The following FMN1 variants were observed in gnomAD, a reference collection of about 807,000 sequenced individuals.
The protein encoded by FMN1 is formin 1, also known as formin-1.
In FMN1, 110 loss-of-function variants were observed where a neutral mutation model predicts 132.4. The observed-to-expected ratio is 0.83, with a 90% confidence interval of 0.71 to 0.97. FMN1 has a LOEUF of 0.97. Among genes scored for constraint, FMN1 ranks in the 50% least tolerant of loss-of-function variants. The pLI is 0.00. For synonymous variants in FMN1, 722 were observed against 651.7 expected (o/e 1.11, Z -1.64); for missense variants, 1,792 against 1,705.3 (o/e 1.05, Z -0.90).
chr15:33,001,566 T>TTCC (rs1566811180), intron 7 of FMN1, among the ~76,000 whole-genome samples: 7 of 96,676 alleles, frequency 7.2e-5, no homozygotes, highest in African/African-American at 1.2e-4. Flanking sequence ...TCCTCCCACT[T>TTCC]CCCCCCCCAC....
chr15:33,037,992 G>T (rs1203361336), intron 6 of FMN1, among the ~76,000 whole-genome samples: 1 of 152,192 alleles, frequency 6.6e-6, no homozygotes, highest in Admixed American at 6.5e-5. Context: ...GGAGGCCAAG[G>T]CAGGCAGATC....
chr15:32,881,278 T>TA (rs1596164490), intron 16 of FMN1, among the ~76,000 whole-genome samples: 4 of 152,338 alleles, frequency 2.6e-5, no homozygotes, highest in Admixed American at 2.0e-4. Context: ...AAACTTGTGG[T>TA]ACATGTAAGT....
chr15:33,076,506 C>A (rs895105231), intron 5 of FMN1, among the ~76,000 whole-genome samples: 2 of 152,004 alleles, frequency 1.3e-5, no homozygotes, highest in Admixed American at 1.3e-4. Context: ...AAAAGAAAAT[C>A]TAGGGAAGGT....
chr15:33,102,323 G>A (rs1037414452), intron 4 of FMN1, among the ~76,000 whole-genome samples: 6 of 152,244 alleles, frequency 3.9e-5, no homozygotes, highest in African/African-American at 1.4e-4. Flanking sequence ...ATGAGAAGAT[G>A]TGCTAGGGAG....
chr15:32,996,723 C>T (rs1871362), intron 7 of FMN1, among the ~76,000 whole-genome samples: 82,150 of 152,024 alleles, frequency 0.54, 23,238 homozygotes, highest in African/African-American at 0.71. Flanking sequence ...CATAATGTTA[C>T]GCGCGTATAC....
chr15:33,130,646 A>T (rs1963502847), intron 4 of FMN1, among the ~76,000 whole-genome samples: 1 of 152,234 alleles, frequency 6.6e-6, no homozygotes, highest in African/African-American at 2.4e-5. Context: ...TGATAATTTC[A>T]GAGTTTTAGG....
At chr15:33,081,318 T>C (rs1262788648) in intron 5 of FMN1, among the ~76,000 whole-genome samples, 1 of 152,212 alleles carries the variant, frequency 6.6e-6, no homozygotes, top group Non-Finnish European at 1.5e-5. Context: ...ATTTTTTAAA[T>C]GTTAAAAAAT....
intron 17 of FMN1, among the ~76,000 whole-genome samples, chr15:32,816,046 A>G (rs1490618322): frequency 6.6e-6 from 1 of 152,224 alleles, no homozygotes; most frequent in Non-Finnish European, 1.5e-5. Context: ...CACCTGGCAC[A>G]TTAGTTAAGT....
intron 4 of FMN1, among the ~76,000 whole-genome samples, chr15:33,127,597 T>C (rs1004695333): frequency 1.2e-4 from 19 of 152,078 alleles, no homozygotes; most frequent in African/African-American, 4.6e-4. Context: ...CTAAAGCTAG[T>C]CAACCAAGAC....
intron 3 of FMN1, among the ~76,000 whole-genome samples, chr15:33,177,536 G>A (rs1304973757): frequency 1.3e-5 from 2 of 152,098 alleles, no homozygotes; most frequent in African/African-American, 2.4e-5. Flanking sequence ...CCTACTTACA[G>A]TGCAATTCCA....
chr15:32,888,222 T>C lies in FMN1; in HGVS notation c.3785A>G (p.Lys1262Arg). Reference sequence around the variant, plus strand: ...CAAATCTTTTATGAGGTCTTCAAACTTGACTTGGGAGGCCAGAAAGAAATC... The same window carrying C: ...CAAATCTTTTATGAGGTCTTCAAACCTGACTTGGGAGGCCAGAAAGAAATC... ...PQDFFLASQV[K>R]FEDLIKDLRK... is the part of the protein sequence containing the mutation. Residue 1262 changes from lysine (K) to arginine (R), a missense_variant, in exon 16 of 21, where the codon AAG becomes AGG. By Grantham distance (26) the Lys-to-Arg change is conservative. This residue lies in a region of FMN1 where 1,150 missense variants were observed against 1,043.1 expected (regional missense o/e 1.10). Transcript: ENST00000616417. 6.2e-7 allele frequency: 1 copy of C among 1,613,280 alleles called. No homozygotes were observed. Among genetic ancestry groups the C allele is most frequent in the Non-Finnish European group, 8.5e-7 (1 of 1,179,542 alleles).
intron 9 of FMN1, among the ~76,000 whole-genome samples, chr15:32,958,627 C>T (rs1373995519): frequency 1.3e-5 from 2 of 152,150 alleles, no homozygotes; most frequent in African/African-American, 4.8e-5. Context: ...AATTTAAATA[C>T]TATTTTAGTA....
At chr15:32,990,694 G>C (rs930275480) in intron 7 of FMN1, among the ~76,000 whole-genome samples, 1 of 152,154 alleles carries the variant, frequency 6.6e-6, no homozygotes, top group African/African-American at 2.4e-5. Context: ...CCCAGACTGG[G>C]TAATTATAAG....
intron 16 of FMN1, among the ~76,000 whole-genome samples, chr15:32,863,270 T>C (rs927718813): frequency 3.3e-5 from 5 of 151,878 alleles, no homozygotes; most frequent in Non-Finnish European, 4.4e-5. Context: ...ACCCCATCTC[T>C]ACTAAAAATA....
Position 32,783,744 on chromosome 15 carries a change from CAA to C in FMN1, c.4131-6827_4131-6826del, listed in dbSNP as rs533699379. Among the ~76,000 whole-genome samples the C allele has an allele frequency of 1.8e-3, 118 of 64,248 alleles. 27 individuals carry two copies. The highest frequency in any genetic ancestry group is 5.5e-3 in the African/African-American group (96 of 17,408). The allele number at this position is 64,248 out of a possible 152,430, so 42.1% of individuals were successfully genotyped here. On this transcript the variant is annotated intron_variant, in intron 19 of 20. Transcript: ENST00000616417. ...TGGGCGACAGAGCGAGACTCTGTTT[CAA>C]AAAAAAAAAAAAAAAAAAAAAAAAA...
chr15:32,818,202 T>C (rs1165780222), intron 17 of FMN1, among the ~76,000 whole-genome samples: 1 of 152,156 alleles, frequency 6.6e-6, no homozygotes, highest in Non-Finnish European at 1.5e-5. Context: ...TTTCATTTTT[T>C]CCCTTGCATT....
intron 4 of FMN1, among the ~76,000 whole-genome samples, chr15:33,123,882 C>CT (rs1476852987): frequency 6.6e-6 from 1 of 152,196 alleles, no homozygotes; most frequent in Non-Finnish European, 1.5e-5. Context: ...GCATGGAGCT[C>CT]AAATGATATA....
At chr15:32,908,263 T>C (rs751222763) in intron 12 of FMN1, 6 of 461,304 alleles carry the variant, frequency 1.3e-5, no homozygotes, top group Non-Finnish European at 2.0e-5. Context: ...GGGGAGTCTC[T>C]TGGGGTGGGG....
At chr15:33,058,131 C>G (rs1344240442) in intron 6 of FMN1, among the ~76,000 whole-genome samples, 1 of 118,448 alleles carries the variant, frequency 8.4e-6, no homozygotes, top group Non-Finnish European at 2.1e-5. Flanking sequence ...GTGGAGGAGG[C>G]TGAAGCCAGG....
Sources: gnomAD v4.1 joint callset for allele counts (sites outside exome capture counted in the v4.1 genomes callset) on GRCh38, gnomAD v4.1.1 for gene constraint, gnomAD v4.1.1 regional missense constraint, MANE v1.5 for transcripts, NCBI Gene and HGNC (gene_info 2026-07-23, HGNC 2026-07-21) for gene names.